Variants in MAGI3 observed in about 807,000 individuals in gnomAD.
The protein encoded by MAGI3 is membrane associated guanylate kinase, WW and PDZ domain containing 3.
In MAGI3, 43 loss-of-function variants were observed where a neutral mutation model predicts 121.8. The ratio of observed to expected loss-of-function variants is 0.35; its 90% CI spans 0.28 to 0.46. The LOEUF (loss-of-function observed/expected upper bound fraction) is 0.46, where lower values mean the gene tolerates loss of function less well. Among genes scored for constraint, MAGI3 ranks in the 20% least tolerant of loss-of-function variants. The pLI, the probability that MAGI3 is intolerant of heterozygous loss-of-function variation, is 1.00. For synonymous variants in MAGI3, 553 were observed against 639.3 expected, an observed-to-expected ratio of 0.86 and a Z score of 2.04; for missense variants, 1,547 against 1,797.3, an observed-to-expected ratio of 0.86 and a Z score of 2.52.
chr1:113,651,918 A>T (rs560303681), intron 14 of MAGI3, among the ~76,000 whole-genome samples: 1 of 152,356 alleles, frequency 6.6e-6, no homozygotes, highest in East Asian at 1.9e-4. Context: ...GGAAAGTAGG[A>T]TGTTTCTACT....
chr1:113,395,116 T>TA (rs71087194), intron 1 of MAGI3, among the ~76,000 whole-genome samples: 10 of 90,524 alleles, frequency 1.1e-4, no homozygotes, highest in African/African-American at 4.5e-4. Context: ...TTTTTTTTTT[T>TA]AGTGGGATAT....
At chr1:113,410,037 A>G (rs1651894445) in intron 1 of MAGI3, among the ~76,000 whole-genome samples, 1 of 152,142 alleles carries the variant, frequency 6.6e-6, no homozygotes, top group Non-Finnish European at 1.5e-5. Context: ...CTCGTCTTTT[A>G]TCACCACATT....
intron 5 of MAGI3, among the ~76,000 whole-genome samples, chr1:113,594,030 C>T (rs1465257007): frequency 1.3e-5 from 2 of 152,102 alleles, no homozygotes; most frequent in Non-Finnish European, 2.9e-5. Flanking sequence ...TCTTTATATT[C>T]CAGCTTCCCA....
rs1156478304 is a variant in MAGI3 at position 113,683,864 on chromosome 1, A to G, written c.4296A>G (p.Leu1432=). ...CAGAAGATCACAAAGGGAAAGAACT[A>G]GAGGCAGCTGACAAAAACAAAGAGA... ...NKTEDHKGKE[L]EAADKNKETG... The change falls in exon 21 of 21, where the codon CTA becomes CTG. Residue 1432 remains leucine, a synonymous_variant. Transcript: ENST00000307546. 7 of 1,612,696 alleles carry G rather than the reference A, an allele frequency of 4.3e-6. No homozygotes were observed. The highest frequency in any genetic ancestry group is 2.7e-5 in the African/African-American group (2 of 74,918).
intron 1 of MAGI3, among the ~76,000 whole-genome samples, chr1:113,546,944 A>G (rs1395543601): frequency 2.0e-5 from 3 of 151,818 alleles, no homozygotes; most frequent in Non-Finnish European, 4.4e-5. Flanking sequence ...TTAGCCAGGC[A>G]TGGTGGCGGG....
At chr1:113,560,411 AACC>A (rs1345382873) in intron 2 of MAGI3, among the ~76,000 whole-genome samples, 1 of 132,822 alleles carries the variant, frequency 7.5e-6, no homozygotes, top group Non-Finnish European at 1.7e-5. Flanking sequence ...AAACAAAAAA[AACC>A]AAAAAAACAA....
chr1:113,588,293 A>G (rs566951228), intron 4 of MAGI3, among the ~76,000 whole-genome samples: 3 of 152,302 alleles, frequency 2.0e-5, no homozygotes, highest in South Asian at 4.1e-4. Context: ...GAACATACCT[A>G]GAATATTCAG....
intron 1 of MAGI3, among the ~76,000 whole-genome samples, chr1:113,514,212 T>C (rs910837538): frequency 6.6e-6 from 1 of 152,194 alleles, no homozygotes; most frequent in Non-Finnish European, 1.5e-5. Context: ...TGGAAGTCAG[T>C]GTGGCGGTTC....
At chr1:113,543,573 A>G (rs1480629929) in intron 1 of MAGI3, among the ~76,000 whole-genome samples, 1 of 152,220 alleles carries the variant, frequency 6.6e-6, no homozygotes, top group African/African-American at 2.4e-5. Context: ...AGTTAAAAAT[A>G]CAAATTAAGG....
At chr1:113,476,173 T>G (rs1473876619) in intron 1 of MAGI3, among the ~76,000 whole-genome samples, 1 of 152,198 alleles carries the variant, frequency 6.6e-6, no homozygotes, top group African/African-American at 2.4e-5. Context: ...AAAAACCAGC[T>G]TCTAGATTCA....
chr1:113,418,511 G>A (rs1015609822), intron 1 of MAGI3, among the ~76,000 whole-genome samples: 4 of 152,076 alleles, frequency 2.6e-5, no homozygotes, highest in Non-Finnish European at 5.9e-5. Flanking sequence ...ATTCCATAGA[G>A]CACTCCCTTT....
chr1:113,643,900 C>T, intron 11 of MAGI3, 126 bp downstream of exon 11: 1 of 1,002,808 alleles, frequency 1.0e-6, no homozygotes, highest in Non-Finnish European at 1.5e-6. Flanking sequence ...GCATGCTGCC[C>T]TTGGCTTGTA....
chr1:113,682,128 TG>T, intron 20 of MAGI3: 1 of 1,457,440 alleles, frequency 6.9e-7, no homozygotes, highest in Non-Finnish European at 9.3e-7. Context: ...GTAAATCATA[TG>T]TTCCCAGTGA....
At chr1:113,474,527 TC>T (rs1212371174) in intron 1 of MAGI3, among the ~76,000 whole-genome samples, 1 of 152,224 alleles carries the variant, frequency 6.6e-6, no homozygotes, top group African/African-American at 2.4e-5. Flanking sequence ...GGGAATCCTA[TC>T]CCCATTTCTT....
chr1:113,456,117 A>ATTTT (rs35038942), intron 1 of MAGI3, among the ~76,000 whole-genome samples: 2 of 113,246 alleles, frequency 1.8e-5, no homozygotes, highest in Non-Finnish European at 3.6e-5. Context: ...CGCCCGGCTA[A>ATTTT]TTTTTTTTTT....
intron 1 of MAGI3, among the ~76,000 whole-genome samples, chr1:113,530,273 G>A (rs559706738): frequency 1.3e-5 from 2 of 150,680 alleles, no homozygotes; most frequent in Non-Finnish European, 2.9e-5. Flanking sequence ...CCGGCTGTCT[G>A]CAAACATTTT....
chr1:113,592,846 A>T (rs763837036), intron 5 of MAGI3, among the ~76,000 whole-genome samples: 1 of 151,828 alleles, frequency 6.6e-6, no homozygotes, highest in Non-Finnish European at 1.5e-5. Flanking sequence ...CTCTGTCTCT[A>T]CTAAAAATGC....
chr1:113,564,493 T>C (rs746142870), intron 2 of MAGI3, among the ~76,000 whole-genome samples: 3 of 152,240 alleles, frequency 2.0e-5, no homozygotes, highest in South Asian at 2.1e-4. Flanking sequence ...ATTGTTGTTA[T>C]TATTATGAAC....
rs186888908 is a variant in MAGI3 at position 113,598,829 on chromosome 1, G to C, written c.1018+4269G>C. ...CACTCTAGAACAAATAAACCTGACA[G>C]ATATTTACAGAACAATTCTAACCAA... is the stretch of plus-strand genomic sequence containing the variant. On this transcript the variant is annotated intron_variant, in intron 6 of 20. Coordinates refer to ENST00000307546, the MANE Select transcript of MAGI3 (RefSeq NM_001142782.2). Among the ~76,000 whole-genome samples the C allele has an allele frequency of 2.8e-3, 427 of 152,164 alleles. 2 individuals are homozygous for C. The highest frequency in any genetic ancestry group is 8.9e-3 in the African/African-American group (368 of 41,512).
Sources: gnomAD v4.1 joint callset for allele counts (sites outside exome capture counted in the v4.1 genomes callset) on GRCh38, gnomAD v4.1.1 for gene constraint, MANE v1.5 for transcripts, NCBI Gene and HGNC (gene_info 2026-07-23, HGNC 2026-07-21) for gene names.